Variants in CPNE4 observed in about 807,000 individuals in gnomAD.
The protein encoded by CPNE4 is copine 4, also known as copine-4.
In CPNE4, 25 loss-of-function variants were observed where a neutral mutation model predicts 67.9. The ratio of observed to expected loss-of-function variants is 0.37; its 90% CI spans 0.27 to 0.51. CPNE4 has a LOEUF of 0.51. Ranked by LOEUF, CPNE4 falls within the 20% of genes least tolerant of loss-of-function variation. The pLI is 0.93. For synonymous variants in CPNE4, 242 were observed against 244.9 expected (o/e 0.99, Z 0.11); for missense variants, 464 against 690.8 (o/e 0.67, Z 3.68).
intron 7 of CPNE4, among the ~76,000 whole-genome samples, chr3:131,668,125 C>T (rs935634834): frequency 3.9e-4 from 59 of 152,264 alleles, no homozygotes; most frequent in African/African-American, 1.3e-3. Flanking sequence ...CTCTGAGTTG[C>T]TCCTCAAGAA....
intron 2 of CPNE4, among the ~76,000 whole-genome samples, chr3:131,774,575 A>C (rs1348016028): frequency 6.6e-6 from 1 of 152,152 alleles, no homozygotes; most frequent in African/African-American, 2.4e-5. Flanking sequence ...CTGGCAGAAT[A>C]ACAGAGAGGA....
In CPNE4 at chr3:131,562,348, C is replaced by A. The variant is rs545819932; in HGVS notation, c.1061+1868G>T. Among the ~76,000 whole-genome samples the A allele has an allele frequency of 1.4e-4, 22 of 152,130 alleles. No individual in the cohort carries two copies. The South Asian group carries it at 4.1e-3, about 29-fold the overall frequency. ...CTGCTGCAGAACTATAATGAGGGCTCTGAGGCTTACTATCTTCATTTCTAG... is the reference window on the plus strand; with the variant it reads ...CTGCTGCAGAACTATAATGAGGGCTATGAGGCTTACTATCTTCATTTCTAG... On this transcript the variant is annotated intron_variant, in intron 11 of 15. Transcript: ENST00000429747.
chr3:131,581,974 T>C (rs1440324052), intron 8 of CPNE4, among the ~76,000 whole-genome samples: 1 of 152,180 alleles, frequency 6.6e-6, no homozygotes, highest in African/African-American at 2.4e-5. Context: ...CTCTATCTCA[T>C]AGGATTATTG....
intron 7 of CPNE4, among the ~76,000 whole-genome samples, chr3:131,613,878 ATAT>A (rs1479639939): frequency 3.9e-5 from 6 of 152,140 alleles, no homozygotes; most frequent in Admixed American, 6.5e-5. Context: ...ATTCTACAAG[ATAT>A]TTTTTTAAGC....
chr3:131,638,184 C>T (rs967733243), intron 7 of CPNE4, among the ~76,000 whole-genome samples: 2 of 152,050 alleles, frequency 1.3e-5, no homozygotes, highest in African/African-American at 4.8e-5. Context: ...AATAGTACCT[C>T]ACATCTCAAT....
chr3:131,985,969 C>A (rs2107643183), intron 1 of CPNE4: 1 of 154,226 alleles, frequency 6.5e-6, no homozygotes, highest in East Asian at 1.9e-4. Flanking sequence ...TAAGGGTTTT[C>A]AACCAAGATG....
intron 2 of CPNE4, among the ~76,000 whole-genome samples, chr3:131,838,037 G>T (rs2085626066): frequency 6.6e-6 from 1 of 151,828 alleles, no homozygotes; most frequent in African/African-American, 2.4e-5. Context: ...AGAATCATTT[G>T]CAGTCACCTT....
rs184729056 is a variant in CPNE4 at position 132,000,475 on chromosome 3, C to T, written c.-2+34092G>A. Reference sequence around the variant, plus strand: ...ACTTGTGGGGAGAGGAAGTAACAGTCGATAAACAATAAATAATAAAATAAA... The same window carrying T: ...ACTTGTGGGGAGAGGAAGTAACAGTTGATAAACAATAAATAATAAAATAAA... On this transcript the variant is annotated intron_variant, in intron 1 of 15. Transcript: ENST00000429747. Among the ~76,000 whole-genome samples, 661 of 150,306 alleles carry T rather than the reference C, an allele frequency of 4.4e-3. 6 individuals are homozygous for T. The highest frequency in any genetic ancestry group is 0.015 in the African/African-American group (625 of 40,988).
At chr3:131,653,470 C>T (rs1482920916) in intron 7 of CPNE4, among the ~76,000 whole-genome samples, 1 of 152,062 alleles carries the variant, frequency 6.6e-6, no homozygotes, top group African/African-American at 2.4e-5. Context: ...TTTAACCAGA[C>T]CTCCTGCCTC....
intron 2 of CPNE4, among the ~76,000 whole-genome samples, chr3:131,837,404 G>A (rs1376324587): frequency 2.0e-5 from 3 of 152,070 alleles, no homozygotes; most frequent in African/African-American, 7.2e-5. Flanking sequence ...TGGCTCTGAA[G>A]ACATTATTCT....
At chr3:131,565,148 G>C (rs1049383287) in intron 10 of CPNE4, among the ~76,000 whole-genome samples, 1 of 151,952 alleles carries the variant, frequency 6.6e-6, no homozygotes, top group Admixed American at 6.6e-5. Context: ...GTTAAAATGA[G>C]AAGAAACACT....
At chr3:131,902,198 C>T (rs2088580125) in intron 2 of CPNE4, among the ~76,000 whole-genome samples, 1 of 151,932 alleles carries the variant, frequency 6.6e-6, no homozygotes, top group Admixed American at 6.6e-5. Flanking sequence ...AGCAATTAAG[C>T]TGATATTAAT....
Position 131,785,528 on chromosome 3 carries a change from C to T in CPNE4, c.181-61903G>A, listed in dbSNP as rs1244838632. ...ATTTCCATTCTTTCTTATTTTTTTT[C>T]TTATTGTTTCTCTCCTCTTGACTTA... On this transcript the variant is annotated intron_variant, in intron 2 of 15. Coordinates refer to ENST00000429747, the MANE Select transcript of CPNE4 (RefSeq NM_130808.3). Among the ~76,000 whole-genome samples, 5 of 152,042 alleles carry T rather than the reference C, an allele frequency of 3.3e-5. No homozygotes were observed. The East Asian group carries it at 9.7e-4, about 29-fold the overall frequency.
chr3:132,000,121 G>A (rs1583579652), intron 1 of CPNE4, among the ~76,000 whole-genome samples: 1 of 151,578 alleles, frequency 6.6e-6, no homozygotes, highest in Non-Finnish European at 1.5e-5. Flanking sequence ...TGGGAAGATC[G>A]GACCAACTCA....
At chr3:131,876,635 C>G (rs1446179534) in intron 2 of CPNE4, among the ~76,000 whole-genome samples, 7 of 36,412 alleles carry the variant, frequency 1.9e-4, no homozygotes, top group African/African-American at 9.8e-4. Context: ...GAGCAAGACT[C>G]CGTCTCAAAA....
chr3:131,632,978 T>C lies in CPNE4; in HGVS notation c.681+36697A>G, dbSNP rs562947900. On this transcript the variant is annotated intron_variant, in intron 7 of 15. Coordinates refer to ENST00000429747, the MANE Select transcript of CPNE4 (RefSeq NM_130808.3). ...TCCAGTCCAGACCTTTCCCCTGAACTGCTGTCTACTCTAACTCTCCATTTC... is the reference window on the plus strand; with the variant it reads ...TCCAGTCCAGACCTTTCCCCTGAACCGCTGTCTACTCTAACTCTCCATTTC... 2.6e-5 allele frequency among the ~76,000 whole-genome samples: 4 copies of C among 152,284 alleles called. No individual in the cohort carries two copies. In the East Asian group the frequency reaches 5.8e-4, roughly 22 times the overall value.
chr3:131,865,494 C>T (rs1484070645), intron 2 of CPNE4, among the ~76,000 whole-genome samples: 1 of 152,102 alleles, frequency 6.6e-6, no homozygotes, highest in Non-Finnish European at 1.5e-5. Context: ...CTGTGAGTTG[C>T]AGGTGGTTTT....
intron 7 of CPNE4, among the ~76,000 whole-genome samples, chr3:131,636,946 AC>A (rs2079403938): frequency 6.6e-6 from 1 of 152,072 alleles, no homozygotes; most frequent in Non-Finnish European, 1.5e-5. Flanking sequence ...ATAAACAATC[AC>A]TACAGTTCAG....
intron 15 of CPNE4, among the ~76,000 whole-genome samples, chr3:131,537,100 T>A (rs1206068435): frequency 6.6e-6 from 1 of 152,002 alleles, no homozygotes; most frequent in Admixed American, 6.6e-5. Context: ...GCAAAAAAAA[T>A]TTCAGATAAT....
Sources: gnomAD v4.1 joint callset for allele counts (sites outside exome capture counted in the v4.1 genomes callset) on GRCh38, gnomAD v4.1.1 for gene constraint, MANE v1.5 for transcripts, NCBI Gene and HGNC (gene_info 2026-07-23, HGNC 2026-07-21) for gene names.